The following SLC9A9 variants were observed in gnomAD, a reference collection of about 807,000 sequenced individuals.
SLC9A9 encodes solute carrier family 9 member A9.
In SLC9A9, 62 loss-of-function variants were observed where a neutral mutation model predicts 77.8. The ratio of observed to expected loss-of-function variants is 0.80; its 90% CI spans 0.65 to 0.98. SLC9A9 has a LOEUF of 0.98. SLC9A9 is among the 50% of genes least tolerant of loss of function. The pLI, the probability that SLC9A9 is intolerant of heterozygous loss-of-function variation, is 0.00. For synonymous variants in SLC9A9, 320 were observed against 283.5 expected, an observed-to-expected ratio of 1.13 and a Z score of -1.29; for missense variants, 775 against 774.9, an observed-to-expected ratio of 1.00 and a Z score of 0.00.
At chr3:143,641,433 C>T (rs2038620581) in intron 6 of SLC9A9, among the ~76,000 whole-genome samples, 1 of 122,242 alleles carries the variant, frequency 8.2e-6, no homozygotes, top group South Asian at 2.8e-4. Flanking sequence ...GCTCTGTTGC[C>T]TAGGCAACAG....
At chr3:143,667,795 G>A (rs1441156025) in intron 5 of SLC9A9, among the ~76,000 whole-genome samples, 1 of 152,166 alleles carries the variant, frequency 6.6e-6, no homozygotes, top group African/African-American at 2.4e-5. Context: ...AACATCTCAT[G>A]CCAGTTATTA....
chr3:143,760,842 T>C (rs1157999600), intron 4 of SLC9A9, among the ~76,000 whole-genome samples: 2 of 152,164 alleles, frequency 1.3e-5, no homozygotes, highest in Non-Finnish European at 2.9e-5. Context: ...AAAAAACTAC[T>C]TTAAAGTTCA....
intron 4 of SLC9A9, among the ~76,000 whole-genome samples, chr3:143,702,419 A>T (rs2108789795): frequency 6.6e-6 from 1 of 152,230 alleles, no homozygotes; most frequent in South Asian, 2.1e-4. Context: ...AAAAAACAGG[A>T]GGACAAAGTT....
chr3:143,719,583 T>C (rs771073397), intron 4 of SLC9A9, among the ~76,000 whole-genome samples: 2 of 152,162 alleles, frequency 1.3e-5, no homozygotes, highest in African/African-American at 2.4e-5. Context: ...TTCTTTACAA[T>C]GATGTGGCCC....
intron 1 of SLC9A9, among the ~76,000 whole-genome samples, chr3:143,843,353 A>G (rs959998476): frequency 1.3e-5 from 2 of 152,222 alleles, no homozygotes; most frequent in Admixed American, 6.5e-5. Context: ...TTTTCAGAAA[A>G]GATAATTTTT....
At chr3:143,577,111 T>C (rs1338293082) in intron 7 of SLC9A9, among the ~76,000 whole-genome samples, 2 of 152,178 alleles carry the variant, frequency 1.3e-5, no homozygotes, top group Non-Finnish European at 2.9e-5. Flanking sequence ...CTCATCTATA[T>C]TTTAAAAACA....
At chr3:143,791,666 T>C (rs953863608) in intron 4 of SLC9A9, among the ~76,000 whole-genome samples, 2 of 152,228 alleles carry the variant, frequency 1.3e-5, no homozygotes, top group Non-Finnish European at 2.9e-5. Flanking sequence ...ATCTGACTTC[T>C]TTATCCTTCT....
intron 9 of SLC9A9, among the ~76,000 whole-genome samples, chr3:143,543,379 C>CT (rs34447555): frequency 0.011 from 1,597 of 146,998 alleles, 24 homozygotes; most frequent in Non-Finnish European, 0.014. Flanking sequence ...ACTTGTCAAG[C>CT]TTTTTTTTTT....
chr3:143,716,389 A>AT (rs11450258), intron 4 of SLC9A9, among the ~76,000 whole-genome samples: 96,474 of 149,288 alleles, frequency 0.65, 31,325 homozygotes, highest in Non-Finnish European at 0.7. Flanking sequence ...TTATGTCAGT[A>AT]TTTTTTTTTT....
chr3:143,653,627 T>A (rs2038838464), intron 5 of SLC9A9, among the ~76,000 whole-genome samples: 1 of 152,060 alleles, frequency 6.6e-6, no homozygotes, highest in Non-Finnish European at 1.5e-5. Flanking sequence ...TAGAGAGTCA[T>A]GAAGGGTTTT....
chr3:143,503,454 C>G, intron 9 of SLC9A9: 1 of 356,124 alleles, frequency 2.8e-6, no homozygotes, highest in Non-Finnish European at 5.5e-6. Flanking sequence ...TCACGATGCC[C>G]AGGATGCCCT....
At chr3:143,477,998 G>C (rs950300920) in intron 11 of SLC9A9, among the ~76,000 whole-genome samples, 1 of 152,194 alleles carries the variant, frequency 6.6e-6, no homozygotes. Context: ...TCTCGCTCTA[G>C]CTCTGCCCCT....
chr3:143,843,147 G>A (rs1360535966), intron 1 of SLC9A9, among the ~76,000 whole-genome samples: 3 of 152,106 alleles, frequency 2.0e-5, no homozygotes, highest in Non-Finnish European at 4.4e-5. Context: ...GTAGAGCCTT[G>A]GAAGGACCTT....
intron 12 of SLC9A9, among the ~76,000 whole-genome samples, chr3:143,391,179 A>G (rs2033557109): frequency 6.6e-6 from 1 of 152,232 alleles, no homozygotes; most frequent in Non-Finnish European, 1.5e-5. Context: ...ACCCCTGAGT[A>G]GCCTAACTGG....
chr3:143,347,363 G>A (rs978159987), intron 14 of SLC9A9, among the ~76,000 whole-genome samples: 1 of 152,148 alleles, frequency 6.6e-6, no homozygotes, highest in Non-Finnish European at 1.5e-5. Context: ...TTAACAAATG[G>A]ATGATGAGAA....
intron 8 of SLC9A9, among the ~76,000 whole-genome samples, chr3:143,569,096 C>T (rs919706055): frequency 6.6e-6 from 1 of 151,814 alleles, no homozygotes; most frequent in Non-Finnish European, 1.5e-5. Flanking sequence ...TATAAAAATG[C>T]CATTTCTCTT....
chr3:143,846,554 G>T (rs994022438), intron 1 of SLC9A9, among the ~76,000 whole-genome samples: 1 of 151,446 alleles, frequency 6.6e-6, no homozygotes, highest in Admixed American at 6.6e-5. Context: ...TCTTGTGCCC[G>T]TTAAGACCCT....
chr3:143,420,407 C>T (rs1470167688), intron 12 of SLC9A9, among the ~76,000 whole-genome samples: 1 of 152,172 alleles, frequency 6.6e-6, no homozygotes, highest in Non-Finnish European at 1.5e-5. Context: ...TTAAAAAGAT[C>T]CTTTCTTGCC....
chr3:143,457,647 G>A (rs1367866398), intron 12 of SLC9A9, among the ~76,000 whole-genome samples: 1 of 151,920 alleles, frequency 6.6e-6, no homozygotes, highest in Non-Finnish European at 1.5e-5. Flanking sequence ...CAAATTTTGA[G>A]ATTATATTTT....
Sources: allele counts gnomAD v4.1 joint callset (sites outside exome capture counted in the v4.1 genomes callset), GRCh38; gene constraint gnomAD v4.1.1; transcripts MANE v1.5; gene names NCBI Gene and HGNC (gene_info 2026-07-23, HGNC 2026-07-21).